The following SAMTOR variants were observed in gnomAD, a reference collection of about 807,000 sequenced individuals.
The protein encoded by SAMTOR is UPF0532 protein C7orf60.
the SAMTOR span, among the ~76,000 whole-genome samples, chr7:112,909,238 A>T: frequency 6.6e-6 from 1 of 152,162 alleles, no homozygotes; most frequent in Non-Finnish European, 1.5e-5. Context: ...CATCAAATAA[A>T]GCCTGCACTG....
the SAMTOR span, among the ~76,000 whole-genome samples, chr7:112,896,833 A>G: frequency 6.6e-6 from 1 of 152,356 alleles, no homozygotes; most frequent in African/African-American, 2.4e-5. Flanking sequence ...TGGATTTTAG[A>G]AAGATAAGTA....
chr7:112,890,411 T>C, the SAMTOR span, among the ~76,000 whole-genome samples: 4 of 152,104 alleles, frequency 2.6e-5, no homozygotes, highest in Non-Finnish European at 5.9e-5. Flanking sequence ...GGAGACAGAT[T>C]CCACAGATTA....
the SAMTOR span, among the ~76,000 whole-genome samples, chr7:112,828,580 C>T: frequency 1.3e-5 from 2 of 152,318 alleles, no homozygotes; most frequent in East Asian, 1.9e-4. Flanking sequence ...AATAAAGTCA[C>T]ATCTTTAGAG....
the SAMTOR span, among the ~76,000 whole-genome samples, chr7:112,841,037 C>T: frequency 6.6e-6 from 1 of 151,956 alleles, no homozygotes. Context: ...CAAGGATGCC[C>T]CCTCTCACGA....
chr7:112,868,018 C>T, the SAMTOR span, among the ~76,000 whole-genome samples: 3 of 152,156 alleles, frequency 2.0e-5, no homozygotes, highest in African/African-American at 7.2e-5. Flanking sequence ...AGGTGGAGTG[C>T]TCCTTATGAG....
At chr7:112,821,960 G>C in the SAMTOR span, 1 of 1,612,930 alleles carries the variant, frequency 6.2e-7, no homozygotes, top group Non-Finnish European at 8.5e-7. Context: ...ACATTCCTGG[G>C]TAGTTCCTAC....
At chr7:112,896,145 T>C in the SAMTOR span, among the ~76,000 whole-genome samples, 1 of 152,182 alleles carries the variant, frequency 6.6e-6, no homozygotes. Flanking sequence ...ACAGCTGTTC[T>C]TGAGGTCCCT....
chr7:112,877,842 G>C, the SAMTOR span, among the ~76,000 whole-genome samples: 1 of 152,136 alleles, frequency 6.6e-6, no homozygotes, highest in East Asian at 1.9e-4. Flanking sequence ...ACTTGCTCCT[G>C]CTTTTACCAT....
the SAMTOR span, among the ~76,000 whole-genome samples, chr7:112,919,482 C>T: frequency 6.6e-6 from 1 of 151,362 alleles, no homozygotes; most frequent in Non-Finnish European, 1.5e-5. Context: ...ACTAAATGCC[C>T]ACAAGAGAAA....
At chr7:112,919,479 G>A in the SAMTOR span, among the ~76,000 whole-genome samples, 4 of 151,466 alleles carry the variant, frequency 2.6e-5, no homozygotes, top group Non-Finnish European at 5.9e-5. Flanking sequence ...AGCACTAAAT[G>A]CCCACAAGAG....
At chr7:112,886,529 C>G in the SAMTOR span, among the ~76,000 whole-genome samples, 1 of 152,128 alleles carries the variant, frequency 6.6e-6, no homozygotes, top group East Asian at 1.9e-4. Flanking sequence ...ACCTAAATGT[C>G]CAATGAAAGA....
At chr7:112,933,573 T>C in the SAMTOR span, among the ~76,000 whole-genome samples, 1 of 152,170 alleles carries the variant, frequency 6.6e-6, no homozygotes, top group African/African-American at 2.4e-5. Flanking sequence ...GAAATAAATA[T>C]TTCATAGGCA....
the SAMTOR span, among the ~76,000 whole-genome samples, chr7:112,887,719 T>C: frequency 6.6e-6 from 1 of 152,198 alleles, no homozygotes; most frequent in Non-Finnish European, 1.5e-5. Flanking sequence ...AGTTATCAAA[T>C]ATGTAGTCGT....
chr7:112,921,129 G>A, the SAMTOR span, among the ~76,000 whole-genome samples: 5 of 152,044 alleles, frequency 3.3e-5, no homozygotes, highest in South Asian at 2.1e-4. Context: ...AAAAGAGCCC[G>A]CATCACCAAG....
At chr7:112,864,781 G>T in the SAMTOR span, among the ~76,000 whole-genome samples, 1 of 152,124 alleles carries the variant, frequency 6.6e-6, no homozygotes, top group Non-Finnish European at 1.5e-5. Flanking sequence ...TTGAGACAGG[G>T]TCTCTCTCTG....
the SAMTOR span, among the ~76,000 whole-genome samples, chr7:112,856,352 C>T: frequency 3.3e-5 from 5 of 151,282 alleles, no homozygotes; most frequent in Non-Finnish European, 7.4e-5. Context: ...CAGGTTCAAG[C>T]AGTTGTCATG....
chr7:112,822,516 A>G, the SAMTOR span: 10 of 731,986 alleles, frequency 1.4e-5, no homozygotes, highest in African/African-American at 1.3e-4. Context: ...TTAAACTTGA[A>G]CAGATGTATT....
At chr7:112,903,468 A>T in the SAMTOR span, among the ~76,000 whole-genome samples, 1 of 152,164 alleles carries the variant, frequency 6.6e-6, no homozygotes, top group Non-Finnish European at 1.5e-5. Context: ...ACAGGTATAA[A>T]GGACACTATT....
the SAMTOR span, among the ~76,000 whole-genome samples, chr7:112,864,169 T>C: frequency 6.6e-6 from 1 of 152,150 alleles, no homozygotes; most frequent in Non-Finnish European, 1.5e-5. Context: ...CCACATGTTC[T>C]CACTTATAGG....
Sources: gnomAD v4.1 joint callset for allele counts (sites outside exome capture counted in the v4.1 genomes callset) on GRCh38, gnomAD v4.1.1 for gene constraint, MANE v1.5 for transcripts, NCBI Gene and HGNC (gene_info 2026-07-23, HGNC 2026-07-21) for gene names.